SETBP1: variants seen among roughly 807,000 people sequenced by gnomAD.
SETBP1 encodes SET binding protein 1, also known as SET-binding protein.
A neutral mutation model predicts 101.0 loss-of-function variants in SETBP1; 9 were observed. The ratio of observed to expected loss-of-function variants is 0.09; its 90% CI spans 0.05 to 0.16. The LOEUF (loss-of-function observed/expected upper bound fraction) is 0.16. Among genes scored for constraint, SETBP1 ranks in the 10% least tolerant of loss-of-function variants. The pLI, the probability that SETBP1 is intolerant of heterozygous loss-of-function variation, is 1.00. For synonymous variants in SETBP1, 818 were observed against 788.5 expected, an observed-to-expected ratio of 1.04 and a Z score of -0.63; for missense variants, 1,858 against 2,033.8, an observed-to-expected ratio of 0.91 and a Z score of 1.66.
At chr18:44,938,726 G>A (rs28664182) in intron 3 of SETBP1, among the ~76,000 whole-genome samples, 5,397 of 152,214 alleles carry the variant, frequency 0.035, 292 homozygotes, top group African/African-American at 0.12. Flanking sequence ...CCCAGGTTAG[G>A]GAAAACACCA....
At chr18:44,900,073 A>G (rs1206079372) in intron 3 of SETBP1, among the ~76,000 whole-genome samples, 1 of 152,224 alleles carries the variant, frequency 6.6e-6, no homozygotes, top group African/African-American at 2.4e-5. Context: ...AACAGGTGAT[A>G]CAATTTGCCA....
chr18:44,708,645 G>A (rs934813617), intron 2 of SETBP1, among the ~76,000 whole-genome samples: 8 of 152,014 alleles, frequency 5.3e-5, no homozygotes, highest in African/African-American at 1.9e-4. Context: ...TTGGAGATGG[G>A]GAGCCCTGGG....
chr18:44,804,605 C>T (rs1465279165), intron 2 of SETBP1, among the ~76,000 whole-genome samples: 1 of 152,100 alleles, frequency 6.6e-6, no homozygotes, highest in East Asian at 1.9e-4. Flanking sequence ...ACTAAAGGAT[C>T]CCAAAGTATT....
chr18:45,059,476 T>C (rs919066780), intron 5 of SETBP1, among the ~76,000 whole-genome samples: 3 of 152,214 alleles, frequency 2.0e-5, no homozygotes, highest in Admixed American at 2.0e-4. Flanking sequence ...TAGTCTCTTT[T>C]GATGCACAGT....
In SETBP1 at chr18:44,952,711, G is replaced by T. The variant is rs754226335; in HGVS notation, c.3371G>T (p.Gly1124Val). The T allele has an allele frequency of 1.2e-6, 2 of 1,614,098 alleles. No individual in the cohort carries two copies. Among genetic ancestry groups the T allele is most frequent in the Admixed American group, 1.7e-5 (1 of 60,008 alleles). ...GVHLQGPVSM[G>V]LGDMQPSLNP... is the part of the protein sequence containing the mutation. ...CACCTGCAGGGACCTGTTAGCATGG[G>T]CCTTGGTGACATGCAGCCTTCTCTG... Residue 1124 changes from glycine (G) to valine (V), a missense_variant, in exon 4 of 6, where the codon GGC becomes GTC. Transcript: ENST00000649279.
At chr18:45,006,167 T>C (rs1326362589) in intron 4 of SETBP1, among the ~76,000 whole-genome samples, 1 of 151,824 alleles carries the variant, frequency 6.6e-6, no homozygotes. Flanking sequence ...TTGGCCAGGA[T>C]GGTTTCAATC....
At chr18:45,061,481 A>C (rs745591674) in intron 5 of SETBP1, among the ~76,000 whole-genome samples, 25 of 152,158 alleles carry the variant, frequency 1.6e-4, no homozygotes, top group Admixed American at 1.1e-3. Flanking sequence ...TTTGATCTTT[A>C]TAACTTATTT....
At chr18:44,781,854 A>C (rs570226424) in intron 2 of SETBP1, among the ~76,000 whole-genome samples, 1 of 152,332 alleles carries the variant, frequency 6.6e-6, no homozygotes, top group South Asian at 2.1e-4. Flanking sequence ...AAAATGAAGA[A>C]GTCAGGCCAG....
intron 2 of SETBP1, among the ~76,000 whole-genome samples, chr18:44,812,917 G>A (rs776936410): frequency 5.3e-5 from 8 of 152,206 alleles, no homozygotes; most frequent in Non-Finnish European, 1.0e-4. Context: ...TCACAGGCCA[G>A]AAGTGTTGCC....
Position 44,761,336 on chromosome 18 carries a change from C to A in SETBP1, c.486+59504C>A, listed in dbSNP as rs187491870. Among the ~76,000 whole-genome samples, 752 of 152,292 alleles carry A rather than the reference C, an allele frequency of 4.9e-3. 6 individuals are homozygous for A. The highest frequency in any genetic ancestry group is 6.8e-3 in the Non-Finnish European group (461 of 68,030). ...ACTTCATTGTTATTTGCTATAATCA[C>A]CCTACAGTGTAATAGAATACCACAA... On this transcript the variant is annotated intron_variant, in intron 2 of 5. Coordinates refer to ENST00000649279, the MANE Select transcript of SETBP1 (RefSeq NM_015559.3).
chr18:44,904,278 GACAATACATACACA>G (rs2070120799), intron 3 of SETBP1, among the ~76,000 whole-genome samples: 1 of 152,098 alleles, frequency 6.6e-6, no homozygotes, highest in Non-Finnish European at 1.5e-5. Context: ...CTAGTTTTCT[GACAATACATACACA>G]CAAAACATAA....
At position 44,952,725 on chromosome 18, in the gene SETBP1, C is replaced by G. The variant is rs779170893; in HGVS notation, c.3385C>G (p.Gln1129Glu). ...TGTTAGCATGGGCCTTGGTGACATG[C>G]AGCCTTCTCTGAACCCTCCCAAGGT... is the stretch of plus-strand genomic sequence containing the variant. ...GPVSMGLGDM[Q>E]PSLNPPKVGS... The change falls in exon 4 of 6, where the codon CAG (glutamine) becomes GAG (glutamate). Residue 1129 changes from glutamine to glutamate, a missense_variant. Physicochemically the swap from Gln to Glu is conservative, Grantham distance 29 (BLOSUM62 2). Around this residue, in one of 12 missense-constraint regions of SETBP1, gnomAD observed 417 missense variants for 389.1 expected, o/e 1.07. Transcript: ENST00000649279. The G allele has an allele frequency of 6.2e-7, 1 of 1,614,100 alleles. No individual in the cohort carries two copies. The highest frequency in any genetic ancestry group is 1.7e-5 in the Admixed American group (1 of 60,020).
intron 4 of SETBP1, among the ~76,000 whole-genome samples, chr18:45,001,962 A>C (rs1378007952): frequency 1.3e-5 from 2 of 152,164 alleles, no homozygotes; most frequent in Non-Finnish European, 2.9e-5. Flanking sequence ...GATCTCATGC[A>C]TTATCCAAGG....
intron 2 of SETBP1, among the ~76,000 whole-genome samples, chr18:44,856,869 A>T (rs943641604): frequency 6.6e-6 from 1 of 152,188 alleles, no homozygotes; most frequent in African/African-American, 2.4e-5. Context: ...ATTCTTTTCC[A>T]CTTTCTTGAT....
At chr18:44,769,993 T>C (rs1055370211) in intron 2 of SETBP1, among the ~76,000 whole-genome samples, 4 of 152,202 alleles carry the variant, frequency 2.6e-5, no homozygotes, top group African/African-American at 9.7e-5. Flanking sequence ...AAGAAAGCCC[T>C]AGGCTGTCCC....
chr18:44,850,857 T>C (rs2072840822), intron 2 of SETBP1, among the ~76,000 whole-genome samples: 1 of 152,190 alleles, frequency 6.6e-6, no homozygotes, highest in African/African-American at 2.4e-5. Context: ...TCCAAACCCT[T>C]TGTGTTTTTT....
intron 2 of SETBP1, among the ~76,000 whole-genome samples, chr18:44,728,951 T>C (rs969010392): frequency 6.6e-6 from 1 of 152,206 alleles, no homozygotes; most frequent in African/African-American, 2.4e-5. Flanking sequence ...GCTTATTGAA[T>C]CCTTACTGTG....
At chr18:44,772,638 G>A (rs1023395402) in intron 2 of SETBP1, among the ~76,000 whole-genome samples, 4 of 152,150 alleles carry the variant, frequency 2.6e-5, no homozygotes, top group South Asian at 2.1e-4. Flanking sequence ...ATTATGTGCC[G>A]TGCTTAAGCT....
chr18:44,807,344 G>A (rs926197409), intron 2 of SETBP1, among the ~76,000 whole-genome samples: 1 of 151,404 alleles, frequency 6.6e-6, no homozygotes, highest in Non-Finnish European at 1.5e-5. Context: ...GTATTAGTAA[G>A]TACTCTATCA....
Sources: gnomAD v4.1 joint callset for allele counts (sites outside exome capture counted in the v4.1 genomes callset) on GRCh38, gnomAD v4.1.1 for gene constraint, gnomAD v4.1.1 regional missense constraint, MANE v1.5 for transcripts, NCBI Gene and HGNC (gene_info 2026-07-23, HGNC 2026-07-21) for gene names.